Variants in SEMA5A observed in about 807,000 individuals in gnomAD.
The protein encoded by SEMA5A is semaphorin-5A.
In SEMA5A, 55 loss-of-function variants were observed where a neutral mutation model predicts 135.5. That is an observed-to-expected ratio of 0.41 (90% confidence interval 0.33 to 0.51). The LOEUF (loss-of-function observed/expected upper bound fraction) is 0.51, where lower values mean the gene tolerates loss of function less well. Among genes scored for constraint, SEMA5A ranks in the 20% least tolerant of loss-of-function variants. The pLI is 0.37. For synonymous variants in SEMA5A, 580 were observed against 546.5 expected (o/e 1.06, Z -0.85); for missense variants, 1,290 against 1,419.9 (o/e 0.91, Z 1.47).
At chr5:9,257,630 T>G (rs1165083265) in intron 5 of SEMA5A, among the ~76,000 whole-genome samples, 2 of 151,904 alleles carry the variant, frequency 1.3e-5, no homozygotes, top group South Asian at 4.2e-4. Flanking sequence ...TCCTGACAGA[T>G]GAGGTCAGTG....
At chr5:9,280,878 G>A in intron 5 of SEMA5A, 1 of 385,156 alleles carries the variant, frequency 2.6e-6, no homozygotes, top group Admixed American at 3.1e-5. Flanking sequence ...AATTGTATGT[G>A]TATGTGTATC....
At chr5:9,307,087 A>C (rs1338001263) in intron 5 of SEMA5A, among the ~76,000 whole-genome samples, 5 of 152,234 alleles carry the variant, frequency 3.3e-5, no homozygotes, top group Non-Finnish European at 7.3e-5. Context: ...GTAAATAATA[A>C]CTGAGTATTG....
At chr5:9,464,334 A>G (rs1323758861) in intron 1 of SEMA5A, among the ~76,000 whole-genome samples, 1 of 152,208 alleles carries the variant, frequency 6.6e-6, no homozygotes, top group East Asian at 1.9e-4. Context: ...AATAATGTCT[A>G]AACTCCCATG....
chr5:9,076,745 T>C (rs955301273), intron 16 of SEMA5A, among the ~76,000 whole-genome samples: 1 of 152,202 alleles, frequency 6.6e-6, no homozygotes, highest in East Asian at 1.9e-4. Flanking sequence ...CCAGTATTTG[T>C]AGATAAATGC....
intron 8 of SEMA5A, among the ~76,000 whole-genome samples, chr5:9,205,842 C>A (rs1745984451): frequency 6.6e-6 from 1 of 151,826 alleles, no homozygotes; most frequent in Non-Finnish European, 1.5e-5. Context: ...ACTGTGTGAC[C>A]TGCCATTAAC....
intron 3 of SEMA5A, among the ~76,000 whole-genome samples, chr5:9,340,115 T>G (rs1753578047): frequency 6.6e-6 from 1 of 152,188 alleles, no homozygotes; most frequent in South Asian, 2.1e-4. Flanking sequence ...GTGAAAAATT[T>G]CCAATGGTAG....
chr5:9,101,942 A>T (rs1490193582), intron 16 of SEMA5A, among the ~76,000 whole-genome samples: 1 of 152,234 alleles, frequency 6.6e-6, no homozygotes, highest in Non-Finnish European at 1.5e-5. Flanking sequence ...CCAATGTTCA[A>T]GTATCCACAG....
At position 9,545,404 on chromosome 5, in the gene SEMA5A, C is replaced by T. The variant is rs1022929879; in HGVS notation, c.-175+180G>A. Among the ~76,000 whole-genome samples the T allele has an allele frequency of 3.6e-4, 55 of 152,112 alleles. No homozygotes were observed. The highest frequency in any genetic ancestry group is 6.5e-4 in the Non-Finnish European group (44 of 68,016). ...CTGTGGGCGCCCCCGGACTGACGGT[C>T]GTCCTAATCCTGTACGCGCAACCCC... On this transcript the variant is annotated intron_variant, in intron 1 of 22. Coordinates refer to ENST00000382496, the MANE Select transcript of SEMA5A (RefSeq NM_003966.3). The surrounding 1 kb of genome is among the most constrained non-coding windows in gnomAD (Gnocchi z 4.5).
Position 9,343,229 on chromosome 5 carries a change from A to C in SEMA5A, c.125-5417T>G, listed in dbSNP as rs148474238. Among the ~76,000 whole-genome samples the C allele has an allele frequency of 1.2e-3, 186 of 152,334 alleles. 1 individual carries two copies. Among genetic ancestry groups the C allele is most frequent in the African/African-American group, 4.3e-3 (179 of 41,578 alleles). ...TTTTATTACCCAAGTGTCTTTATGT[A>C]AGTATGGAGGAAGAAAATGACAACC... is the stretch of plus-strand genomic sequence containing the variant. On this transcript the variant is annotated intron_variant, in intron 3 of 22. Coordinates refer to ENST00000382496, the MANE Select transcript of SEMA5A (RefSeq NM_003966.3).
Position 9,264,426 on chromosome 5 carries a change from G to A in SEMA5A, c.271-26536C>T, listed in dbSNP as rs139370959. ...ACCATCTAGGCTCCAAGTAAATAAC[G>A]CATTTTATTTCAATATGTCAAAGCA... On this transcript the variant is annotated intron_variant, in intron 5 of 22. Transcript: ENST00000382496. Among the ~76,000 whole-genome samples, 596 of 152,210 alleles carry A rather than the reference G, an allele frequency of 3.9e-3. 7 individuals carry two copies. The highest frequency in any genetic ancestry group is 5.6e-3 in the Non-Finnish European group (380 of 68,004).
chr5:9,036,996 T>C lies in SEMA5A; in HGVS notation c.*5901A>G, dbSNP rs1407879709. 1 of 152,228 alleles carries C rather than the reference T, an allele frequency of 6.6e-6. No individual in the cohort carries two copies. The highest frequency in any genetic ancestry group is 1.9e-4 in the East Asian group (1 of 5,198). The allele number at this position is 152,228 out of a possible 1,614,324, so 9.4% of individuals were successfully genotyped here. ...CATTTGAATCATTTTATTACTGCCA[T>C]TCATCTAACATTTGGAATATTTGGC... is the stretch of plus-strand genomic sequence containing the variant. On this transcript the variant is annotated 3_prime_UTR_variant, in exon 23 of 23. Coordinates refer to ENST00000382496, the MANE Select transcript of SEMA5A (RefSeq NM_003966.3).
chr5:9,375,733 A>G (rs910712399), intron 3 of SEMA5A, among the ~76,000 whole-genome samples: 7 of 151,532 alleles, frequency 4.6e-5, no homozygotes, highest in Non-Finnish European at 8.8e-5. Context: ...CAGGAAGACC[A>G]GGACAAGTGT....
chr5:9,070,169 G>A (rs1737697926), intron 16 of SEMA5A, among the ~76,000 whole-genome samples: 2 of 152,100 alleles, frequency 1.3e-5, no homozygotes, highest in Admixed American at 6.5e-5. Context: ...TCAGGAGTTC[G>A]AGACCAGCCT....
intron 1 of SEMA5A, among the ~76,000 whole-genome samples, chr5:9,521,837 G>T (rs1736849613): frequency 6.6e-6 from 1 of 152,096 alleles, no homozygotes. Flanking sequence ...ATCATGCCTG[G>T]TCTGACTCCA....
chr5:9,086,404 C>T (rs1385243964), intron 16 of SEMA5A, among the ~76,000 whole-genome samples: 5 of 151,890 alleles, frequency 3.3e-5, no homozygotes, highest in Non-Finnish European at 5.9e-5. Context: ...GGTTTTTTTC[C>T]TGTGCTGTTC....
At chr5:9,048,942 C>A (rs1736414054) in intron 21 of SEMA5A, among the ~76,000 whole-genome samples, 1 of 152,132 alleles carries the variant, frequency 6.6e-6, no homozygotes, top group South Asian at 2.1e-4. Context: ...CCTAACATTG[C>A]CCTTCTGAGG....
intron 8 of SEMA5A, among the ~76,000 whole-genome samples, chr5:9,221,547 C>A (rs2150409720): frequency 6.6e-6 from 1 of 152,074 alleles, no homozygotes; most frequent in Non-Finnish European, 1.5e-5. Context: ...CGTGATCCGC[C>A]CGCCTCGGCC....
rs1001498088 is a variant in SEMA5A at position 9,305,740 on chromosome 5, A to G, written c.270+12632T>C. ...TATATATATATATTTACACGCACAC[A>G]CACACACACACACACATATATACAC... On this transcript the variant is annotated intron_variant, in intron 5 of 22. Coordinates refer to ENST00000382496, the MANE Select transcript of SEMA5A (RefSeq NM_003966.3). 6.7e-5 allele frequency among the ~76,000 whole-genome samples: 10 copies of G among 149,154 alleles called. 1 individual carries two copies. The highest frequency in any genetic ancestry group is 2.7e-4 in the Admixed American group (4 of 15,018).
chr5:9,130,245 C>G (rs765560829), intron 13 of SEMA5A, among the ~76,000 whole-genome samples: 1 of 152,058 alleles, frequency 6.6e-6, no homozygotes, highest in African/African-American at 2.4e-5. Flanking sequence ...ATATTCCAAC[C>G]ACTATTGTTT....
Sources: allele counts gnomAD v4.1 joint callset (sites outside exome capture counted in the v4.1 genomes callset), GRCh38; gene constraint gnomAD v4.1.1; non-coding constraint Gnocchi (gnomAD v3.1); transcripts MANE v1.5; gene names NCBI Gene and HGNC (gene_info 2026-07-23, HGNC 2026-07-21).